The following KHDRBS2 variants were observed in gnomAD, a reference collection of about 807,000 sequenced individuals.
KHDRBS2 encodes the protein KH domain-containing, RNA-binding, signal transduction-associated protein 2.
Under a neutral mutation model 44.3 loss-of-function variants are expected in KHDRBS2, and 26 were observed. That is an observed-to-expected ratio of 0.59 (90% confidence interval 0.43 to 0.81). The LOEUF (loss-of-function observed/expected upper bound fraction) is 0.81, where lower values mean the gene tolerates loss of function less well. Ranked by LOEUF, KHDRBS2 falls within the 40% of genes least tolerant of loss-of-function variation. The pLI is 0.00. For missense variants in KHDRBS2, 476 were observed against 433.1 expected, an observed-to-expected ratio of 1.10 and a Z score of -0.88; for synonymous variants, 194 against 151.1, an observed-to-expected ratio of 1.28 and a Z score of -2.08.
At chr6:61,700,400 A>T (rs1328896745) in intron 7 of KHDRBS2, among the ~76,000 whole-genome samples, 1 of 149,786 alleles carries the variant, frequency 6.7e-6, no homozygotes, top group Admixed American at 6.8e-5. Context: ...AACTTTCAGA[A>T]CTCTAAACAA....
chr6:61,866,687 T>C (rs990257526), intron 6 of KHDRBS2, among the ~76,000 whole-genome samples: 4 of 152,244 alleles, frequency 2.6e-5, no homozygotes, highest in Non-Finnish European at 5.9e-5. Flanking sequence ...TAAATCTGAA[T>C]GCCTTTAACA....
chr6:61,619,829 T>C, the KHDRBS2 span, among the ~76,000 whole-genome samples: 1 of 152,318 alleles, frequency 6.6e-6, no homozygotes, highest in East Asian at 1.9e-4. Flanking sequence ...AGTTGATCGG[T>C]ACTTAGATTG....
At chr6:61,728,878 T>C (rs1773999045) in intron 7 of KHDRBS2, among the ~76,000 whole-genome samples, 1 of 152,152 alleles carries the variant, frequency 6.6e-6, no homozygotes, top group African/African-American at 2.4e-5. Context: ...AAGTGAAGGT[T>C]TGTTATTAGA....
chr6:61,981,124 C>T (rs1489205748), intron 3 of KHDRBS2, among the ~76,000 whole-genome samples: 1 of 152,192 alleles, frequency 6.6e-6, no homozygotes, highest in Non-Finnish European at 1.5e-5. Context: ...CTTAGATCCA[C>T]ACTGGAGAGT....
At chr6:62,275,370 G>A (rs191644985) in intron 1 of KHDRBS2, among the ~76,000 whole-genome samples, 10 of 152,150 alleles carry the variant, frequency 6.6e-5, no homozygotes, top group African/African-American at 2.2e-4. Flanking sequence ...ATAAAAAAGT[G>A]GCTTCTACTT....
intron 1 of KHDRBS2, among the ~76,000 whole-genome samples, chr6:62,216,682 T>C (rs1830025917): frequency 7.4e-6 from 1 of 135,518 alleles, no homozygotes; most frequent in Non-Finnish European, 1.6e-5. Context: ...AATCTAAACA[T>C]ATTTCTTTCT....
At chr6:62,134,463 G>T (rs937805189) in intron 2 of KHDRBS2, among the ~76,000 whole-genome samples, 8 of 152,184 alleles carry the variant, frequency 5.3e-5, no homozygotes, top group African/African-American at 1.9e-4. Context: ...GAGAACTTCT[G>T]CTTAGGGCAT....
intron 6 of KHDRBS2, among the ~76,000 whole-genome samples, chr6:61,891,084 T>A (rs1284751462): frequency 2.6e-5 from 4 of 152,208 alleles, no homozygotes; most frequent in Non-Finnish European, 5.9e-5. Flanking sequence ...GCCCAGTATG[T>A]GACAGTAACT....
intron 6 of KHDRBS2, among the ~76,000 whole-genome samples, chr6:61,772,547 A>G (rs1781120994): frequency 6.6e-6 from 1 of 152,226 alleles, no homozygotes; most frequent in Non-Finnish European, 1.5e-5. Context: ...ATACACAAAT[A>G]AACAAGAAAA....
intron 1 of KHDRBS2, among the ~76,000 whole-genome samples, chr6:62,197,404 T>A (rs1359821751): frequency 6.6e-6 from 1 of 152,158 alleles, no homozygotes; most frequent in African/African-American, 2.4e-5. Flanking sequence ...ACTGGTATTA[T>A]ATACAATACA....
chr6:61,655,783 C>G, the KHDRBS2 span, among the ~76,000 whole-genome samples: 1 of 151,912 alleles, frequency 6.6e-6, no homozygotes, highest in Admixed American at 6.6e-5. Context: ...TGAAGTAGTC[C>G]ATTTCACACA....
chr6:61,634,558 T>C, the KHDRBS2 span, among the ~76,000 whole-genome samples: 1 of 152,050 alleles, frequency 6.6e-6, no homozygotes, highest in African/African-American at 2.4e-5. Flanking sequence ...AATTGCCATC[T>C]TGGTAGAGAC....
intron 1 of KHDRBS2, among the ~76,000 whole-genome samples, chr6:62,202,575 T>C (rs1220452821): frequency 6.6e-6 from 1 of 152,050 alleles, no homozygotes. Context: ...ACAAAGTCTC[T>C]AGCCTTGGGT....
At chr6:62,236,369 A>C (rs1385009561) in intron 1 of KHDRBS2, among the ~76,000 whole-genome samples, 2 of 152,052 alleles carry the variant, frequency 1.3e-5, no homozygotes, top group African/African-American at 4.8e-5. Flanking sequence ...TTAATGAAAA[A>C]GTTCTCTATT....
chr6:62,019,472 G>A (rs186942428), intron 3 of KHDRBS2, among the ~76,000 whole-genome samples: 8 of 152,102 alleles, frequency 5.3e-5, no homozygotes, highest in South Asian at 2.1e-4. Flanking sequence ...AATGAACTGG[G>A]AAATAATTCT....
intron 6 of KHDRBS2, among the ~76,000 whole-genome samples, chr6:61,856,116 T>C (rs1796115491): frequency 6.6e-6 from 1 of 152,134 alleles, no homozygotes; most frequent in African/African-American, 2.4e-5. Context: ...CATACAGTGT[T>C]TTCCCATCTC....
the KHDRBS2 span, among the ~76,000 whole-genome samples, chr6:61,552,190 T>A: frequency 0.016 from 2,379 of 152,254 alleles, 60 homozygotes; most frequent in African/African-American, 0.054. Flanking sequence ...CTGATTTCTT[T>A]GAGTAGTGTT....
chr6:61,758,052 A>C (rs574975830), intron 6 of KHDRBS2, among the ~76,000 whole-genome samples: 1 of 152,074 alleles, frequency 6.6e-6, no homozygotes, highest in Non-Finnish European at 1.5e-5. Context: ...GTACTCTTAC[A>C]ATTTTTAGCT....
At chr6:62,244,023 A>G (rs1460515730) in intron 1 of KHDRBS2, among the ~76,000 whole-genome samples, 2 of 152,152 alleles carry the variant, frequency 1.3e-5, no homozygotes, top group Non-Finnish European at 2.9e-5. Flanking sequence ...TATGAATCGT[A>G]TTTCTAATGT....
Sources: gnomAD v4.1 joint callset for allele counts (sites outside exome capture counted in the v4.1 genomes callset) on GRCh38, gnomAD v4.1.1 for gene constraint, MANE v1.5 for transcripts, NCBI Gene and HGNC (gene_info 2026-07-23, HGNC 2026-07-21) for gene names.